Variants in PSIP1 observed in about 807,000 individuals in gnomAD.
The protein encoded by PSIP1 is PC4 and SFRS1-interacting protein.
A neutral mutation model predicts 74.7 loss-of-function variants in PSIP1; 19 were observed. The ratio of observed to expected loss-of-function variants is 0.25; its 90% CI spans 0.18 to 0.37. The LOEUF (loss-of-function observed/expected upper bound fraction) is 0.37. PSIP1 is among the 10% of genes least tolerant of loss of function. The probability of loss-of-function intolerance (pLI) is 1.00; values close to 1 mark genes in which losing one functional copy is unlikely to be tolerated. For synonymous variants in PSIP1, 222 were observed against 195.3 expected (o/e 1.14, Z -1.14); for missense variants, 601 against 614.3 (o/e 0.98, Z 0.23).
At chr9:15,492,639 C>T (rs1023772127) in intron 3 of PSIP1, among the ~76,000 whole-genome samples, 3 of 152,174 alleles carry the variant, frequency 2.0e-5, no homozygotes, top group Non-Finnish European at 4.4e-5. Context: ...GATGCAACCC[C>T]ACATTTCCCT....
At chr9:15,494,684 A>C (rs2036994999) in intron 3 of PSIP1, among the ~76,000 whole-genome samples, 1 of 152,060 alleles carries the variant, frequency 6.6e-6, no homozygotes, top group Non-Finnish European at 1.5e-5. Flanking sequence ...CATGTATTTT[A>C]ACTGCACATC....
At chr9:15,486,187 T>C (rs1292746529) in intron 5 of PSIP1, 119 bp from the exon 6 acceptor site, 4 of 727,688 alleles carry the variant, frequency 5.5e-6, no homozygotes, top group East Asian at 5.4e-5. Flanking sequence ...TCTGTTTTGC[T>C]CTGTAGAGTT....
chr9:15,466,715 AAC>A (rs760260242), intron 15 of PSIP1, 31 bp downstream of exon 15: 22 of 1,515,602 alleles, frequency 1.5e-5, no homozygotes, highest in Admixed American at 8.0e-5. Context: ...AATAATAAAA[AAC>A]ACACAAGACC....
Position 15,468,613 on chromosome 9 carries a change from G to A in PSIP1, c.1420+17C>T, listed in dbSNP as rs2035728174. 6.2e-7 allele frequency: 1 copy of A among 1,608,828 alleles called. No individual in the cohort carries two copies. Among genetic ancestry groups the A allele is most frequent in the African/African-American group, 1.3e-5 (1 of 74,694 alleles). On this transcript the variant is annotated intron_variant, in intron 14 of 15. Coordinates refer to ENST00000380733, the MANE Select transcript of PSIP1 (RefSeq NM_033222.5). ...GTTTAAAAACTGGTGTGAAATTGTT[G>A]GCTTTTTACCACATACCTGTTTGTT...
At chr9:15,488,755 C>T (rs1455094071) in intron 4 of PSIP1, among the ~76,000 whole-genome samples, 1 of 151,684 alleles carries the variant, frequency 6.6e-6, no homozygotes, top group Non-Finnish European at 1.5e-5. Flanking sequence ...GACACAGTGG[C>T]TCAGGCCTGT....
In PSIP1 at chr9:15,464,370, G is replaced by C. The variant is rs1014312082; in HGVS notation, c.*1150C>G. 1 of 194,660 alleles carries C rather than the reference G, an allele frequency of 5.1e-6. No homozygotes were observed. Among genetic ancestry groups the C allele is most frequent in the African/African-American group, 2.3e-5 (1 of 43,108 alleles). 12.1% of individuals were successfully genotyped at this position (194,660 alleles called of 1,614,324 possible). On this transcript the variant is annotated 3_prime_UTR_variant, in exon 16 of 16. Transcript: ENST00000380733. ...TCAAAACATGAGAAGTATCCTACTT[G>C]CTGAGAAGTGCCAAATGACCCTAAT...
chr9:15,478,528 G>C lies in PSIP1; in HGVS notation c.578C>G (p.Pro193Arg). 6.2e-7 allele frequency: 1 copy of C among 1,604,398 alleles called. No individual in the cohort carries two copies. Among genetic ancestry groups the C allele is most frequent in the Non-Finnish European group, 8.5e-7 (1 of 1,171,736 alleles). Residue 193 changes from proline to arginine, a missense_variant, in exon 8 of 16, where the codon CCA (proline) becomes CGA (arginine). Pro to Arg is a moderately radical substitution (Grantham distance 103). Coordinates refer to ENST00000380733, the MANE Select transcript of PSIP1 (RefSeq NM_033222.5). ...TTTTACCATTTTGGGTCTGCCTCTTGGTTTTGGAATCTTGACTTCTGTAGC... is the reference window on the plus strand; with the variant it reads ...TTTTACCATTTTGGGTCTGCCTCTTCGTTTTGGAATCTTGACTTCTGTAGC... The part of the protein sequence containing the change: ...PAATEVKIPK[P>R]RGRPKMVKQP...
intron 12 of PSIP1, 63 bp from the exon 13 acceptor site, chr9:15,469,121 T>C: frequency 2.7e-6 from 4 of 1,487,836 alleles, no homozygotes; most frequent in Non-Finnish European, 3.7e-6. Flanking sequence ...AATCTGTTTC[T>C]AAAGATCGTT....
chr9:15,468,532 G>A (rs567786272), intron 14 of PSIP1, 98 bp downstream of exon 14: 12 of 1,282,820 alleles, frequency 9.4e-6, no homozygotes, highest in South Asian at 2.4e-5. Context: ...TTTCTGTGGC[G>A]TATACACAGT....
chr9:15,486,052 A>G lies in PSIP1; in HGVS notation c.410T>C (p.Val137Ala), dbSNP rs750923103. Residue 137 changes from valine (V) to alanine (A), a missense_variant, in exon 6 of 16, where the codon GTT becomes GCT. By Grantham distance (64) the Val-to-Ala change is moderately conservative (BLOSUM62 0). This residue lies in a region of PSIP1 where 538 missense variants were observed against 507.6 expected (regional missense o/e 1.06). Transcript: ENST00000380733. ...KASNEDVTKA[V>A]DITTPKAARR... ...GGCAGCTTTTGGAGTAGTTATGTCA[A>G]CTGCTTTAGTCACATCCTAAAAAAG... 5.0e-6 allele frequency: 8 copies of G among 1,608,730 alleles called. No homozygotes were observed. In the East Asian group the frequency reaches 1.3e-4, roughly 27 times the overall value.
chr9:15,498,717 T>C (rs1437463222), intron 3 of PSIP1, among the ~76,000 whole-genome samples: 2 of 152,106 alleles, frequency 1.3e-5, no homozygotes, highest in Non-Finnish European at 2.9e-5. Context: ...TTATACATAA[T>C]ATCAAATACC....
chr9:15,505,564 C>T (rs1021261565), intron 3 of PSIP1: 1 of 152,052 alleles, frequency 6.6e-6, no homozygotes, highest in Admixed American at 6.5e-5. Context: ...ATAAAATGTC[C>T]AGAACTGGTA....
chr9:15,504,428 T>C (rs2037488215), intron 3 of PSIP1, among the ~76,000 whole-genome samples: 1 of 152,166 alleles, frequency 6.6e-6, no homozygotes, highest in Non-Finnish European at 1.5e-5. Context: ...AACGTAAGAA[T>C]GGACTGTGTA....
At chr9:15,492,964 T>C (rs1435281128) in intron 3 of PSIP1, among the ~76,000 whole-genome samples, 1 of 152,002 alleles carries the variant, frequency 6.6e-6, no homozygotes, top group African/African-American at 2.4e-5. Flanking sequence ...AGGAAACCAT[T>C]TTTCCCTCCT....
At chr9:15,503,941 T>C (rs1243588338) in intron 3 of PSIP1, among the ~76,000 whole-genome samples, 3 of 152,114 alleles carry the variant, frequency 2.0e-5, no homozygotes, top group Non-Finnish European at 2.9e-5. Context: ...GAGATGGGGT[T>C]TCACTATATT....
intron 3 of PSIP1, chr9:15,506,207 A>G (rs2037580404): frequency 1.2e-5 from 2 of 169,294 alleles, no homozygotes; most frequent in Non-Finnish European, 2.6e-5. Context: ...ATCTGATATC[A>G]TAAAACCAAA....
chr9:15,490,140 G>A lies in PSIP1; in HGVS notation c.150-16C>T. On this transcript the variant is annotated splice_polypyrimidine_tract_variant and intron_variant, in intron 3 of 15. Coordinates refer to ENST00000380733, the MANE Select transcript of PSIP1 (RefSeq NM_033222.5). Reference sequence around the variant, plus strand: ...TAAAAAAGCACTAAAAAAGAAGTGGGGAAGATGTGAGTGCAAAGCAAGCTC... The same window carrying A: ...TAAAAAAGCACTAAAAAAGAAGTGGAGAAGATGTGAGTGCAAAGCAAGCTC... 2 of 1,561,226 alleles carry A rather than the reference G, an allele frequency of 1.3e-6. No homozygotes were observed. Among genetic ancestry groups the A allele is most frequent in the Non-Finnish European group, 1.7e-6 (2 of 1,158,916 alleles).
intron 10 of PSIP1, chr9:15,470,612 A>C: frequency 2.1e-6 from 2 of 955,218 alleles, no homozygotes; most frequent in Non-Finnish European, 2.5e-6. Context: ...AATAGACAAG[A>C]ACAAAAAATA....
chr9:15,470,129 C>A, intron 10 of PSIP1, 136 bp from the exon 11 acceptor site: 1 of 668,142 alleles, frequency 1.5e-6, no homozygotes, highest in Admixed American at 2.6e-5. Context: ...GACTGTAGCT[C>A]TTAGAATGGT....
Sources: allele counts gnomAD v4.1 joint callset (sites outside exome capture counted in the v4.1 genomes callset), GRCh38; gene constraint gnomAD v4.1.1; regional missense constraint gnomAD v4.1.1; transcripts MANE v1.5; gene names NCBI Gene and HGNC (gene_info 2026-07-23, HGNC 2026-07-21).